KIDINS220: variants seen among roughly 807,000 people sequenced by gnomAD.
The protein encoded by KIDINS220 is kinase D interacting substrate 220, also known as kinase D-interacting substrate of 220 kDa.
A neutral mutation model predicts 157.6 loss-of-function variants in KIDINS220; 63 were observed. The observed-to-expected ratio is 0.40, with a 90% CI of 0.33 to 0.49. The LOEUF (loss-of-function observed/expected upper bound fraction) is 0.49. KIDINS220 is among the 20% of genes least tolerant of loss of function. KIDINS220 has a pLI of 0.66. For synonymous variants in KIDINS220, 732 were observed against 783.6 expected (o/e 0.93, Z 1.10); for missense variants, 1,772 against 2,171.2 (o/e 0.82, Z 3.65).
intron 11 of KIDINS220, among the ~76,000 whole-genome samples, chr2:8,796,166 T>C (rs1411250484): frequency 6.6e-6 from 1 of 152,042 alleles, no homozygotes. Flanking sequence ...GAGGAGAAAA[T>C]TTACAATATT....
chr2:8,795,482 C>T (rs1673787714), intron 11 of KIDINS220, among the ~76,000 whole-genome samples: 1 of 152,170 alleles, frequency 6.6e-6, no homozygotes, highest in Admixed American at 6.5e-5. Context: ...TTAATCGTCA[C>T]TTTTAAAATT....
At chr2:8,782,390 A>C (rs1286101839) in intron 17 of KIDINS220, among the ~76,000 whole-genome samples, 1 of 152,180 alleles carries the variant, frequency 6.6e-6, no homozygotes, top group Non-Finnish European at 1.5e-5. Context: ...CATGGACAAA[A>C]ATAGGATAAT....
chr2:8,800,742 A>G (rs1377412515), intron 8 of KIDINS220, among the ~76,000 whole-genome samples: 1 of 152,232 alleles, frequency 6.6e-6, no homozygotes, highest in Non-Finnish European at 1.5e-5. Context: ...AACAAAGTTT[A>G]GAAAGACCAG....
intron 6 of KIDINS220, among the ~76,000 whole-genome samples, chr2:8,812,162 G>A (rs1419892042): frequency 1.3e-5 from 2 of 152,138 alleles, no homozygotes. Context: ...TGTTATCCCG[G>A]TCAGTTTTCT....
intron 23 of KIDINS220, 30 bp downstream of exon 23, chr2:8,751,436 T>C (rs1334912090): frequency 6.5e-7 from 1 of 1,542,566 alleles, no homozygotes; most frequent in Non-Finnish European, 8.8e-7. Flanking sequence ...GAACTTTAGA[T>C]GAAAAATTAA....
chr2:8,765,283 G>A (rs542400811), intron 22 of KIDINS220, among the ~76,000 whole-genome samples: 12 of 152,148 alleles, frequency 7.9e-5, no homozygotes, highest in Non-Finnish European at 1.2e-4. Flanking sequence ...CTATCTATAA[G>A]TCAAAATCAT....
chr2:8,736,455 A>C (rs1212588016), intron 27 of KIDINS220, among the ~76,000 whole-genome samples: 1 of 152,216 alleles, frequency 6.6e-6, no homozygotes, highest in Non-Finnish European at 1.5e-5. Flanking sequence ...AAAATGAGGC[A>C]AGTGTGGCTT....
intron 22 of KIDINS220, chr2:8,757,805 C>T (rs1188071822): frequency 1.9e-6 from 3 of 1,567,666 alleles, no homozygotes; most frequent in Non-Finnish European, 8.7e-7. Context: ...TGAATAATAA[C>T]ATCTTCAGTA....
At chr2:8,781,153 A>ATATATATATATAATATATATAT (rs70946383) in intron 17 of KIDINS220, among the ~76,000 whole-genome samples, 4 of 130,410 alleles carry the variant, frequency 3.1e-5, no homozygotes, top group Non-Finnish European at 6.4e-5. Flanking sequence ...ATATATATAT[A>ATATATATATATAATATATATAT]ATATATATAT....
chr2:8,769,299 C>T (rs1046164448), intron 22 of KIDINS220, among the ~76,000 whole-genome samples: 56 of 152,294 alleles, frequency 3.7e-4, no homozygotes, highest in African/African-American at 1.2e-3. Context: ...TTACAAATTT[C>T]TTGAAATCTA....
intron 22 of KIDINS220, among the ~76,000 whole-genome samples, chr2:8,770,197 A>G (rs1479106501): frequency 6.6e-6 from 1 of 152,132 alleles, no homozygotes; most frequent in East Asian, 1.9e-4. Flanking sequence ...TGAGCCCAGG[A>G]GTTTAAGACC....
At chr2:8,751,348 G>T in intron 23 of KIDINS220, 118 bp downstream of exon 23, 1 of 723,048 alleles carries the variant, frequency 1.4e-6, no homozygotes, top group Non-Finnish European at 2.3e-6. Flanking sequence ...TCTGTGTAGT[G>T]CTTAGTTCAA....
At position 8,736,904 on chromosome 2, in the gene KIDINS220, C is replaced by A; in HGVS notation, c.3681G>T (p.Gln1227His). The change falls in exon 27 of 30, where the codon CAG becomes CAT. Residue 1227 changes from glutamine to histidine, a missense_variant. Around this residue, in one of 3 missense-constraint regions of KIDINS220, gnomAD observed 793 missense variants for 885.5 expected, o/e 0.90. Transcript: ENST00000256707. ...EKLKQIEGLD[Q>H]SMLPQYCTTI... ...TGGTACAATACTGAGGCAGCATACTCTGGTCCAGCCCTTCTATTTGTTTCA... is the reference window on the plus strand; with the variant it reads ...TGGTACAATACTGAGGCAGCATACTATGGTCCAGCCCTTCTATTTGTTTCA... 6.2e-7 allele frequency: 1 copy of A among 1,614,214 alleles called. No individual in the cohort carries two copies. The highest frequency in any genetic ancestry group is 8.5e-7 in the Non-Finnish European group (1 of 1,180,022).
intron 2 of KIDINS220, among the ~76,000 whole-genome samples, chr2:8,822,560 C>A (rs2148416594): frequency 6.6e-6 from 1 of 152,208 alleles, no homozygotes; most frequent in South Asian, 2.1e-4. Flanking sequence ...CCCAGCAGGT[C>A]AAGGCTGCAG....
intron 1 of KIDINS220, among the ~76,000 whole-genome samples, chr2:8,835,129 G>C (rs1358179757): frequency 2.0e-5 from 3 of 152,202 alleles, no homozygotes; most frequent in Non-Finnish European, 4.4e-5. Context: ...GATTACAGGT[G>C]TGAGCCTGCA....
At chr2:8,744,388 A>AT (rs1558328231) in intron 26 of KIDINS220, among the ~76,000 whole-genome samples, 7 of 26,158 alleles carry the variant, frequency 2.7e-4, no homozygotes, top group South Asian at 2.4e-3. Context: ...AAAAAAAAAA[A>AT]ATATATATAT....
chr2:8,740,132 T>C, intron 26 of KIDINS220: 1 of 970,960 alleles, frequency 1.0e-6, no homozygotes, highest in Non-Finnish European at 1.2e-6. Flanking sequence ...AAAGTAAGAT[T>C]TCATTGAGAG....
At chr2:8,733,741 A>G in intron 28 of KIDINS220, 61 bp from the exon 29 acceptor site, 5 of 1,079,882 alleles carry the variant, frequency 4.6e-6, no homozygotes, top group Admixed American at 2.7e-5. Flanking sequence ...AGCTTTAGAA[A>G]TATTTAGAAA....
chr2:8,743,176 A>G (rs1169162110), intron 26 of KIDINS220, among the ~76,000 whole-genome samples: 1 of 152,204 alleles, frequency 6.6e-6, no homozygotes, highest in African/African-American at 2.4e-5. Flanking sequence ...TCAAAATTTT[A>G]AAGTATCTAA....
Sources: allele counts gnomAD v4.1 joint callset (sites outside exome capture counted in the v4.1 genomes callset), GRCh38; gene constraint gnomAD v4.1.1; regional missense constraint gnomAD v4.1.1; transcripts MANE v1.5; gene names NCBI Gene and HGNC (gene_info 2026-07-23, HGNC 2026-07-21).